The following USP25 variants were observed in gnomAD, a reference collection of about 807,000 sequenced individuals.
The protein encoded by USP25 is ubiquitin specific peptidase 25.
A neutral mutation model predicts 158.5 loss-of-function variants in USP25; 85 were observed. The ratio of observed to expected loss-of-function variants is 0.54; its 90% CI spans 0.45 to 0.64. The LOEUF (loss-of-function observed/expected upper bound fraction) is 0.64, where lower values mean the gene tolerates loss of function less well. Among genes scored for constraint, USP25 ranks in the 30% least tolerant of loss-of-function variants. USP25 has a pLI of 0.00. For missense variants in USP25, 1,242 were observed against 1,327.3 expected, an observed-to-expected ratio of 0.94 and a Z score of 1.00; for synonymous variants, 464 against 460.4, an observed-to-expected ratio of 1.01 and a Z score of -0.10.
At chr21:15,817,106 T>A (rs1466428282) in intron 9 of USP25, among the ~76,000 whole-genome samples, 1 of 151,440 alleles carries the variant, frequency 6.6e-6, no homozygotes, top group East Asian at 1.9e-4. Flanking sequence ...AGCTCCAGAC[T>A]GGGTGACAGA....
At chr21:15,767,812 C>CA (rs1179786055) in intron 3 of USP25, among the ~76,000 whole-genome samples, 3 of 151,968 alleles carry the variant, frequency 2.0e-5, no homozygotes, top group Non-Finnish European at 4.4e-5. Flanking sequence ...GGTGACATGA[C>CA]ATGGTATATT....
intron 1 of USP25, among the ~76,000 whole-genome samples, chr21:15,731,419 T>C (rs2030884809): frequency 6.6e-6 from 1 of 152,206 alleles, no homozygotes; most frequent in South Asian, 2.1e-4. Flanking sequence ...GTTTGGTTTA[T>C]CTGGGTGAGT....
chr21:15,741,044 A>G (rs1294532136), intron 1 of USP25, among the ~76,000 whole-genome samples: 7 of 152,040 alleles, frequency 4.6e-5, no homozygotes, highest in Non-Finnish European at 2.9e-5. Flanking sequence ...CAACACCGTC[A>G]TTATTTCAGG....
Position 15,830,348 on chromosome 21 carries a change from T to C in USP25, c.1694-183T>C, listed in dbSNP as rs186482415. 3.5e-3 allele frequency among the ~76,000 whole-genome samples: 532 copies of C among 152,314 alleles called. 1 individual carries two copies. Among genetic ancestry groups the C allele is most frequent in the African/African-American group, 0.011 (439 of 41,598 alleles). ...GTTTTTAAAGTATGCATTTGTACTG[T>C]GTCTTTTATTAAGAATAACTATAAT... is the stretch of plus-strand genomic sequence containing the variant. On this transcript the variant is annotated intron_variant, in intron 14 of 25. Transcript: ENST00000400183.
At chr21:15,733,126 A>C (rs1268767764) in intron 1 of USP25, among the ~76,000 whole-genome samples, 23 of 34,130 alleles carry the variant, frequency 6.7e-4, no homozygotes, top group South Asian at 2.0e-3. Flanking sequence ...AGGATACTCC[A>C]CGGCGCCCCC....
chr21:15,736,832 GT>G (rs888224135), intron 1 of USP25, among the ~76,000 whole-genome samples: 3 of 149,478 alleles, frequency 2.0e-5, no homozygotes, highest in Non-Finnish European at 4.4e-5. Flanking sequence ...TTAGTAGCTA[GT>G]TTTTTTTAAT....
intron 20 of USP25, among the ~76,000 whole-genome samples, chr21:15,853,522 G>A (rs750577950): frequency 6.6e-6 from 1 of 151,720 alleles, no homozygotes; most frequent in African/African-American, 2.4e-5. Flanking sequence ...TAGTATGTTC[G>A]TTTTCCTACT....
At chr21:15,762,058 A>G (rs1376590413) in intron 1 of USP25, among the ~76,000 whole-genome samples, 1 of 152,062 alleles carries the variant, frequency 6.6e-6, no homozygotes, top group Non-Finnish European at 1.5e-5. Context: ...TCAAACTTTC[A>G]TTCAGTAGTT....
At chr21:15,772,248 T>C (rs1312787706) in intron 3 of USP25, among the ~76,000 whole-genome samples, 5 of 152,226 alleles carry the variant, frequency 3.3e-5, no homozygotes, top group African/African-American at 9.6e-5. Context: ...GTATAAGTTT[T>C]ACTCATGGTA....
rs941585699 is a variant in USP25, at chr21:15,816,991, G to A, written c.932-1707G>A. On this transcript the variant is annotated intron_variant, in intron 9 of 25. Transcript: ENST00000400183. This position sits in a 1 kb window ranked among gnomAD's most constrained non-coding sequence, Gnocchi z 4.0. ...TACTGAAAATACAAAAATTAGTCGG[G>A]TGTGGTGGTGGGCGCCTGTAATCCC... Among the ~76,000 whole-genome samples the A allele has an allele frequency of 2.0e-5, 3 of 151,944 alleles. No individual in the cohort carries two copies. Among genetic ancestry groups the A allele is most frequent in the African/African-American group, 7.2e-5 (3 of 41,390 alleles).
chr21:15,811,951 T>C (rs2036681984), intron 9 of USP25, among the ~76,000 whole-genome samples: 1 of 152,124 alleles, frequency 6.6e-6, no homozygotes, highest in African/African-American at 2.4e-5. Flanking sequence ...TTCTTCACGA[T>C]CTTAAGTAGT....
chr21:15,744,586 T>TTTG (rs10635610), intron 1 of USP25, among the ~76,000 whole-genome samples: 3 of 150,884 alleles, frequency 2.0e-5, no homozygotes, highest in East Asian at 2.0e-4. Context: ...GGTCTGCAGT[T>TTTG]TTGTTGTTGT....
chr21:15,821,575 C>T (rs16990117), intron 10 of USP25, among the ~76,000 whole-genome samples: 3,901 of 151,928 alleles, frequency 0.026, 171 homozygotes, highest in African/African-American at 0.089. Context: ...GAAACAATAT[C>T]GACATGTACC....
chr21:15,828,937 G>A (rs1699815392), intron 14 of USP25, among the ~76,000 whole-genome samples: 1 of 152,044 alleles, frequency 6.6e-6, no homozygotes, highest in African/African-American at 2.4e-5. Context: ...ATGCCTGGCT[G>A]TTAAGATTTT....
At chr21:15,795,986 T>C (rs1218759097) in intron 5 of USP25, among the ~76,000 whole-genome samples, 2 of 151,588 alleles carry the variant, frequency 1.3e-5, no homozygotes, top group African/African-American at 2.4e-5. Context: ...CTTCTTTCTT[T>C]TTCACAAATT....
intron 2 of USP25, among the ~76,000 whole-genome samples, chr21:15,765,048 CTT>C (rs1448401973): frequency 2.1e-4 from 32 of 152,038 alleles, no homozygotes; most frequent in Admixed American, 2.0e-3. Flanking sequence ...ATGGAGTAAA[CTT>C]TTTAAAATGT....
At chr21:15,855,529 G>A (rs1006630501) in intron 20 of USP25, among the ~76,000 whole-genome samples, 1 of 152,068 alleles carries the variant, frequency 6.6e-6, no homozygotes, top group East Asian at 1.9e-4. Context: ...GGCCTAAATC[G>A]TTAATGCAAA....
chr21:15,748,171 C>T (rs1029228702), intron 1 of USP25, among the ~76,000 whole-genome samples: 1 of 152,194 alleles, frequency 6.6e-6, no homozygotes, highest in Non-Finnish European at 1.5e-5. Context: ...CTTTATTGAA[C>T]AGTTCCTCCT....
chr21:15,824,508 TTCTG>T (rs143847402), intron 11 of USP25, among the ~76,000 whole-genome samples: 3,572 of 150,962 alleles, frequency 0.024, 145 homozygotes, highest in African/African-American at 0.083. Context: ...CTATCTATCT[TTCTG>T]TCTTTCTTTC....
Sources: gnomAD v4.1 joint callset for allele counts (sites outside exome capture counted in the v4.1 genomes callset) on GRCh38, gnomAD v4.1.1 for gene constraint, Gnocchi (gnomAD v3.1) non-coding constraint, MANE v1.5 for transcripts, NCBI Gene and HGNC (gene_info 2026-07-23, HGNC 2026-07-21) for gene names.